REDIC1: variants seen among roughly 807,000 people sequenced by gnomAD.
The protein encoded by REDIC1 is HEI10 Interacting Protein 1.
At chr12:39,756,347 TA>T in the REDIC1 span, 1 of 151,882 alleles carries the variant, frequency 6.6e-6, no homozygotes, top group Admixed American at 6.6e-5. Context: ...ATTTGGTAAT[TA>T]AAAACTTGTC....
the REDIC1 span, among the ~76,000 whole-genome samples, chr12:39,848,945 C>T: frequency 6.6e-6 from 1 of 152,130 alleles, no homozygotes; most frequent in African/African-American, 2.4e-5. Context: ...ACCACATGGT[C>T]TCACTTATAA....
chr12:39,894,693 G>T, the REDIC1 span, among the ~76,000 whole-genome samples: 5 of 152,290 alleles, frequency 3.3e-5, no homozygotes, highest in Admixed American at 2.0e-4. Flanking sequence ...AAGCAGATAT[G>T]ATCAATCATT....
the REDIC1 span, among the ~76,000 whole-genome samples, chr12:39,852,567 G>C: frequency 6.6e-6 from 1 of 152,156 alleles, no homozygotes; most frequent in Non-Finnish European, 1.5e-5. Flanking sequence ...GGTAACAAAA[G>C]GTTAGAATAT....
At chr12:39,678,654 A>G in the REDIC1 span, among the ~76,000 whole-genome samples, 1 of 149,446 alleles carries the variant, frequency 6.7e-6, no homozygotes, top group Admixed American at 6.7e-5. Flanking sequence ...AAAAAAGGAA[A>G]CTATAGACCA....
chr12:39,643,854 G>A, the REDIC1 span: 1 of 1,577,628 alleles, frequency 6.3e-7, no homozygotes, highest in African/African-American at 1.4e-5. Context: ...AAATTCTGCT[G>A]TCAGCTTAGA....
the REDIC1 span, among the ~76,000 whole-genome samples, chr12:39,853,520 CA>C: frequency 6.6e-6 from 1 of 151,994 alleles, no homozygotes; most frequent in African/African-American, 2.4e-5. Flanking sequence ...CTAAGCTGGG[CA>C]ACATTTTTTT....
the REDIC1 span, among the ~76,000 whole-genome samples, chr12:39,669,160 C>T: frequency 2.6e-5 from 4 of 152,070 alleles, no homozygotes; most frequent in African/African-American, 7.2e-5. Context: ...TTTTCTGCTC[C>T]GTTTTTTCCC....
At chr12:39,862,033 C>T in the REDIC1 span, among the ~76,000 whole-genome samples, 1 of 152,172 alleles carries the variant, frequency 6.6e-6, no homozygotes, top group Non-Finnish European at 1.5e-5. Flanking sequence ...CCTTCCCCCA[C>T]CACTGCCCCC....
At chr12:39,696,491 C>T in the REDIC1 span, among the ~76,000 whole-genome samples, 118 of 123,188 alleles carry the variant, frequency 9.6e-4, no homozygotes, top group East Asian at 8.2e-3. Context: ...TGCAGTGAGC[C>T]GAGATCCCGC....
chr12:39,711,700 T>C, the REDIC1 span, among the ~76,000 whole-genome samples: 1 of 14,114 alleles, frequency 7.1e-5, no homozygotes, highest in African/African-American at 1.2e-4. Context: ...TATGTGTATG[T>C]GTATACACAT....
the REDIC1 span, among the ~76,000 whole-genome samples, chr12:39,855,677 T>G: frequency 6.6e-6 from 1 of 152,222 alleles, no homozygotes; most frequent in East Asian, 1.9e-4. Flanking sequence ...TGCATAAATG[T>G]TTTTTCTAAA....
chr12:39,864,834 G>A, the REDIC1 span: 5 of 1,613,832 alleles, frequency 3.1e-6, no homozygotes, highest in African/African-American at 6.7e-5. Context: ...GGAAACTTGG[G>A]CTGATAGCAC....
chr12:39,668,585 C>T, the REDIC1 span, among the ~76,000 whole-genome samples: 1 of 150,932 alleles, frequency 6.6e-6, no homozygotes, highest in Admixed American at 6.6e-5. Flanking sequence ...GTGGTGTTCT[C>T]TGTTAAATGT....
At chr12:39,698,269 G>A in the REDIC1 span, among the ~76,000 whole-genome samples, 1 of 152,120 alleles carries the variant, frequency 6.6e-6, no homozygotes, top group Non-Finnish European at 1.5e-5. Flanking sequence ...TCCTCATGAA[G>A]GGGGTCAATT....
At chr12:39,697,137 A>G in the REDIC1 span, among the ~76,000 whole-genome samples, 1 of 152,218 alleles carries the variant, frequency 6.6e-6, no homozygotes, top group African/African-American at 2.4e-5. Flanking sequence ...AACAAGTAAC[A>G]TACAATGGAG....
At chr12:39,640,024 G>C in the REDIC1 span, among the ~76,000 whole-genome samples, 225 of 150,854 alleles carry the variant, frequency 1.5e-3, no homozygotes, top group Non-Finnish European at 1.9e-3. Flanking sequence ...TTGGCTCAAG[G>C]ATTATAGATA....
chr12:39,810,765 T>C, the REDIC1 span, among the ~76,000 whole-genome samples: 1 of 152,162 alleles, frequency 6.6e-6, no homozygotes, highest in African/African-American at 2.4e-5. Context: ...CTTAATATAA[T>C]GAATTACATC....
At chr12:39,813,313 A>G in the REDIC1 span, among the ~76,000 whole-genome samples, 1 of 152,022 alleles carries the variant, frequency 6.6e-6, no homozygotes, top group Non-Finnish European at 1.5e-5. Context: ...TTATTTTATT[A>G]CAAATATTTT....
the REDIC1 span, among the ~76,000 whole-genome samples, chr12:39,750,891 C>T: frequency 2.0e-5 from 3 of 152,194 alleles, no homozygotes; most frequent in African/African-American, 7.2e-5. Context: ...CCCTTCCTTA[C>T]ACCTTATACA....
Sources: allele counts gnomAD v4.1 joint callset (sites outside exome capture counted in the v4.1 genomes callset), GRCh38; gene constraint gnomAD v4.1.1; transcripts MANE v1.5; gene names NCBI Gene and HGNC (gene_info 2026-07-23, HGNC 2026-07-21).